The following RBKS variants were observed in gnomAD, a reference collection of about 807,000 sequenced individuals.
RBKS encodes the protein ribokinase.
Under a neutral mutation model 33.9 loss-of-function variants are expected in RBKS, and 33 were observed. That is an observed-to-expected ratio of 0.97 (90% CI 0.74 to 1.30). The LOEUF is 1.30. Ranked by LOEUF, RBKS falls within the 50% of genes most tolerant of loss-of-function variation. RBKS has a pLI of 0.00. For synonymous variants in RBKS, 125 were observed against 143.0 expected (o/e 0.87, Z 0.90); for missense variants, 361 against 392.6 (o/e 0.92, Z 0.68).
At chr2:27,863,398 TG>T (rs755805716) in intron 1 of RBKS, among the ~76,000 whole-genome samples, 9 of 152,132 alleles carry the variant, frequency 5.9e-5, no homozygotes, top group Non-Finnish European at 1.2e-4. Flanking sequence ...CTTCTTCTCT[TG>T]CAAAACAGGT....
chr2:27,848,179 TA>T, intron 2 of RBKS, 82 bp from the exon 3 acceptor site: 2 of 757,196 alleles, frequency 2.6e-6, no homozygotes, highest in Non-Finnish European at 4.4e-6. Flanking sequence ...CTTAGCATTT[TA>T]AAAGGGCATA....
chr2:27,877,240 C>T (rs865970247), intron 1 of RBKS, among the ~76,000 whole-genome samples: 4 of 151,838 alleles, frequency 2.6e-5, no homozygotes, highest in African/African-American at 7.3e-5. Flanking sequence ...CAACACTTTA[C>T]ACATTATAAA....
At chr2:27,845,556 A>AC (rs70953893) in intron 4 of RBKS, among the ~76,000 whole-genome samples, 2 of 152,042 alleles carry the variant, frequency 1.3e-5, no homozygotes, top group African/African-American at 4.8e-5. Flanking sequence ...AACAACAACA[A>AC]AAGAGGTTTA....
intron 5 of RBKS, among the ~76,000 whole-genome samples, chr2:27,834,791 A>G (rs1268844943): frequency 1.3e-5 from 2 of 152,254 alleles, no homozygotes; most frequent in Non-Finnish European, 2.9e-5. Context: ...CAAGTGTGGA[A>G]CAACATGGTA....
Position 27,781,531 on chromosome 2 carries a change from C to T in RBKS, c.*84G>A. ...TATTTGCAAAGAAAGGGGACGAGGA[C>T]ATTTTCTAATAAGCATTAGCCAGGA... On this transcript the variant is annotated 3_prime_UTR_variant, in exon 8 of 8. Coordinates refer to ENST00000302188, the MANE Select transcript of RBKS (RefSeq NM_022128.3). 2 of 1,078,482 alleles carry T rather than the reference C, an allele frequency of 1.9e-6. No homozygotes were observed. Among genetic ancestry groups the T allele is most frequent in the East Asian group, 2.6e-5 (1 of 38,510 alleles). 66.8% of individuals were successfully genotyped at this position (1,078,482 alleles called of 1,614,324 possible).
chr2:27,862,219 G>C (rs140092774), intron 1 of RBKS, among the ~76,000 whole-genome samples: 51 of 152,062 alleles, frequency 3.4e-4, no homozygotes, highest in Non-Finnish European at 6.0e-4. Flanking sequence ...CAAAGTGTAG[G>C]GATTGCATGC....
intron 7 of RBKS, among the ~76,000 whole-genome samples, chr2:27,783,216 G>A (rs909651032): frequency 6.6e-6 from 1 of 152,026 alleles, no homozygotes; most frequent in African/African-American, 2.4e-5. Context: ...GATGAGGTGG[G>A]CAGATGGCTT....
At chr2:27,855,926 T>C (rs1372385923) in intron 2 of RBKS, among the ~76,000 whole-genome samples, 1 of 152,182 alleles carries the variant, frequency 6.6e-6, no homozygotes, top group Admixed American at 6.5e-5. Context: ...TGTTTTTCTT[T>C]TGCTCCTTCT....
chr2:27,847,015 T>C, intron 4 of RBKS, 27 bp downstream of exon 4: 1 of 1,498,180 alleles, frequency 6.7e-7, no homozygotes, highest in Non-Finnish European at 9.3e-7. Flanking sequence ...TCTTATGAAA[T>C]GACACTCCAA....
At chr2:27,816,750 A>G (rs1678104157) in intron 7 of RBKS, among the ~76,000 whole-genome samples, 1 of 152,014 alleles carries the variant, frequency 6.6e-6, no homozygotes, top group Admixed American at 6.5e-5. Context: ...GGTGCCTGCC[A>G]CCACGCCCAG....
chr2:27,833,771 A>ATATATAT (rs1226856899), intron 5 of RBKS, among the ~76,000 whole-genome samples: 1 of 152,206 alleles, frequency 6.6e-6, no homozygotes, highest in Non-Finnish European at 1.5e-5. Flanking sequence ...TATATATTTC[A>ATATATAT]AGTCTTTAGA....
chr2:27,791,171 G>A (rs192577052), intron 7 of RBKS, among the ~76,000 whole-genome samples: 15 of 152,278 alleles, frequency 9.9e-5, no homozygotes, highest in Admixed American at 5.2e-4. Flanking sequence ...AGGCACAAAA[G>A]ACTACATATC....
chr2:27,844,549 C>A (rs188861513), intron 4 of RBKS, among the ~76,000 whole-genome samples: 1 of 152,028 alleles, frequency 6.6e-6, no homozygotes, highest in African/African-American at 2.4e-5. Context: ...TGTGCCGCCA[C>A]GCCTGGCTAA....
intron 5 of RBKS, among the ~76,000 whole-genome samples, chr2:27,839,542 T>G (rs1663424791): frequency 6.6e-6 from 1 of 152,196 alleles, no homozygotes; most frequent in Non-Finnish European, 1.5e-5. Context: ...CAGAGAGTTT[T>G]GAGACAGTAT....
chr2:27,805,723 C>T (rs1396971570), intron 7 of RBKS, among the ~76,000 whole-genome samples: 1 of 151,490 alleles, frequency 6.6e-6, no homozygotes, highest in Non-Finnish European at 1.5e-5. Context: ...TACAAGCGTG[C>T]ACCACCATGC....
At chr2:27,782,880 CTATG>C (rs1342408384) in intron 7 of RBKS, among the ~76,000 whole-genome samples, 7 of 152,062 alleles carry the variant, frequency 4.6e-5, no homozygotes, top group Admixed American at 1.3e-4. Flanking sequence ...GGTGGGGTTT[CTATG>C]CTCTATCTCC....
chr2:27,817,140 G>A (rs540850629), intron 7 of RBKS, among the ~76,000 whole-genome samples: 1 of 152,164 alleles, frequency 6.6e-6, no homozygotes, highest in Non-Finnish European at 1.5e-5. Context: ...ATTATTTGCA[G>A]AGGGCCTGTT....
At position 27,836,946 on chromosome 2, in the gene RBKS, A is replaced by G. The variant is rs546873243; in HGVS notation, c.515-4169T>C. 2.6e-5 allele frequency among the ~76,000 whole-genome samples: 4 copies of G among 152,276 alleles called. No individual in the cohort carries two copies. In the South Asian group the frequency reaches 8.3e-4, roughly 32 times the overall value. Reference sequence around the variant, plus strand: ...GAAATGCAAATCAAACTATAATGAGATACCATCTCACACCAGTCAAAACAG... The same window carrying G: ...GAAATGCAAATCAAACTATAATGAGGTACCATCTCACACCAGTCAAAACAG... On this transcript the variant is annotated intron_variant, in intron 5 of 7. Coordinates refer to ENST00000302188, the MANE Select transcript of RBKS (RefSeq NM_022128.3).
At chr2:27,800,544 C>A (rs1677756897) in intron 7 of RBKS, among the ~76,000 whole-genome samples, 1 of 152,042 alleles carries the variant, frequency 6.6e-6, no homozygotes, top group Non-Finnish European at 1.5e-5. Flanking sequence ...AGCAGGTGTT[C>A]AACAAAGGTG....
Sources: gnomAD v4.1 joint callset for allele counts (sites outside exome capture counted in the v4.1 genomes callset) on GRCh38, gnomAD v4.1.1 for gene constraint, MANE v1.5 for transcripts, NCBI Gene and HGNC (gene_info 2026-07-23, HGNC 2026-07-21) for gene names.